Variants in NKAIN2 observed in about 807,000 individuals in gnomAD.
The protein encoded by NKAIN2 is sodium/potassium-transporting ATPase subunit beta-1-interacting protein 2.
In NKAIN2, 14 loss-of-function variants were observed where a neutral mutation model predicts 32.6. The ratio of observed to expected loss-of-function variants is 0.43; its 90% CI spans 0.28 to 0.67. NKAIN2 has a LOEUF of 0.67. NKAIN2 is among the 30% of genes least tolerant of loss of function. NKAIN2 has a pLI of 0.17. For synonymous variants in NKAIN2, 80 were observed against 87.2 expected (o/e 0.92, Z 0.46); for missense variants, 198 against 258.3 (o/e 0.77, Z 1.60).
intron 1 of NKAIN2, among the ~76,000 whole-genome samples, chr6:124,200,217 C>T (rs1790530909): frequency 6.6e-6 from 1 of 152,140 alleles, no homozygotes; most frequent in African/African-American, 2.4e-5. Context: ...TTGCCTAAGG[C>T]AGCCTATAGC....
intron 3 of NKAIN2, among the ~76,000 whole-genome samples, chr6:124,408,507 A>G (rs1056054168): frequency 6.6e-6 from 1 of 152,150 alleles, no homozygotes; most frequent in East Asian, 1.9e-4. Flanking sequence ...AGATAGTTGT[A>G]GATATGCGGC....
intron 3 of NKAIN2, among the ~76,000 whole-genome samples, chr6:124,387,377 CA>C (rs1772950544): frequency 6.6e-6 from 1 of 151,382 alleles, no homozygotes; most frequent in Non-Finnish European, 1.5e-5. Flanking sequence ...ACTGAATTCA[CA>C]AACTGAACTA....
chr6:124,332,774 C>T (rs925914619), intron 2 of NKAIN2, among the ~76,000 whole-genome samples: 1 of 152,188 alleles, frequency 6.6e-6, no homozygotes, highest in Non-Finnish European at 1.5e-5. Flanking sequence ...GTTGCTATCA[C>T]CACTGTTGGA....
chr6:123,987,106 A>C, intron 1 of NKAIN2, among the ~76,000 whole-genome samples: 1 of 152,202 alleles, frequency 6.6e-6, no homozygotes, highest in Admixed American at 6.5e-5. Context: ...TATTTATATA[A>C]GAAATGTGCA....
intron 1 of NKAIN2, among the ~76,000 whole-genome samples, chr6:124,029,181 T>C (rs1014260113): frequency 1.3e-5 from 2 of 151,886 alleles, no homozygotes; most frequent in Non-Finnish European, 2.9e-5. Context: ...ATTTCTACTA[T>C]TGTTTAACAA....
At chr6:124,469,075 C>G (rs1776872901) in intron 3 of NKAIN2, among the ~76,000 whole-genome samples, 1 of 152,186 alleles carries the variant, frequency 6.6e-6, no homozygotes, top group Non-Finnish European at 1.5e-5. Flanking sequence ...CAGAGAACAC[C>G]ATGTGAATGG....
At chr6:124,167,837 A>G (rs1582778448) in intron 1 of NKAIN2, among the ~76,000 whole-genome samples, 2 of 152,196 alleles carry the variant, frequency 1.3e-5, no homozygotes, top group East Asian at 1.9e-4. Flanking sequence ...ATTTGTGTAT[A>G]TTGACTTCAG....
At chr6:123,923,619 T>G (rs1012687007) in intron 1 of NKAIN2, among the ~76,000 whole-genome samples, 1 of 151,472 alleles carries the variant, frequency 6.6e-6, no homozygotes, top group Non-Finnish European at 1.5e-5. Flanking sequence ...CCATAAAAAA[T>G]GATGAGTTCA....
At chr6:124,651,275 A>G (rs1427265463) in intron 3 of NKAIN2, among the ~76,000 whole-genome samples, 1 of 152,102 alleles carries the variant, frequency 6.6e-6, no homozygotes, top group Non-Finnish European at 1.5e-5. Context: ...TGTCATGACT[A>G]CAGCTCTCCG....
chr6:124,596,722 C>T (rs916597326), intron 3 of NKAIN2, among the ~76,000 whole-genome samples: 3 of 147,264 alleles, frequency 2.0e-5, no homozygotes, highest in African/African-American at 7.5e-5. Flanking sequence ...AATGTATATA[C>T]AAATAAATAT....
At chr6:124,544,618 C>T (rs1391284538) in intron 3 of NKAIN2, among the ~76,000 whole-genome samples, 1 of 150,678 alleles carries the variant, frequency 6.6e-6, no homozygotes, top group African/African-American at 2.4e-5. Context: ...AAACTAGGGG[C>T]AAGGAATGTT....
intron 1 of NKAIN2, among the ~76,000 whole-genome samples, chr6:124,154,796 A>G (rs1241113693): frequency 6.6e-6 from 1 of 152,078 alleles, no homozygotes; most frequent in Non-Finnish European, 1.5e-5. Context: ...AAAACCTGAC[A>G]GTAATAATAT....
rs111596206 is a variant in NKAIN2, at chr6:124,271,226, A to AT, written c.55-11770dup. Among the ~76,000 whole-genome samples the AT allele has an allele frequency of 2.9e-3, 437 of 150,132 alleles. 2 individuals carry two copies. The highest frequency in any genetic ancestry group is 9.6e-3 in the African/African-American group (394 of 40,910). ...GTGAGCCAATTAAACCTCCTTTCTT[A>AT]TTTTTTTTTGAGACAGAGTCTTGCT... On this transcript the variant is annotated intron_variant, in intron 1 of 6. Coordinates refer to ENST00000368417, the MANE Select transcript of NKAIN2 (RefSeq NM_001040214.3).
chr6:124,579,966 T>C (rs557207481), intron 3 of NKAIN2, among the ~76,000 whole-genome samples: 1 of 152,322 alleles, frequency 6.6e-6, no homozygotes, highest in African/African-American at 2.4e-5. Flanking sequence ...ACTTTTATCC[T>C]AGAATAATAT....
At chr6:124,302,551 TTAAAC>T (rs1796331960) in intron 2 of NKAIN2, among the ~76,000 whole-genome samples, 1 of 152,206 alleles carries the variant, frequency 6.6e-6, no homozygotes, top group Admixed American at 6.5e-5. Context: ...GTCATTTTAT[TTAAAC>T]TAAGCTATCC....
rs562188649 is a variant in NKAIN2, at chr6:124,695,432, T to C, written c.474+37046T>C. Among the ~76,000 whole-genome samples the C allele has an allele frequency of 6.6e-5, 10 of 152,320 alleles. No individual in the cohort carries two copies. In the East Asian group the frequency reaches 7.7e-4, roughly 12 times the overall value. ...GAATCTCAGACAAATATTTTAAAGA[T>C]CTCATAACTCTCTTGCAAGAATTTT... is the stretch of plus-strand genomic sequence containing the variant. On this transcript the variant is annotated intron_variant, in intron 4 of 6. Coordinates refer to ENST00000368417, the MANE Select transcript of NKAIN2 (RefSeq NM_001040214.3).
intron 2 of NKAIN2, among the ~76,000 whole-genome samples, chr6:124,314,786 C>T (rs577835981): frequency 6.6e-6 from 1 of 152,260 alleles, no homozygotes; most frequent in East Asian, 1.9e-4. Flanking sequence ...GGGGTGGTGC[C>T]TCTGCCTAAA....
intron 1 of NKAIN2, among the ~76,000 whole-genome samples, chr6:123,959,526 AC>A (rs1418354446): frequency 6.6e-6 from 1 of 152,162 alleles, no homozygotes; most frequent in East Asian, 1.9e-4. Flanking sequence ...TGAACATGAT[AC>A]TTCTTCAGTT....
intron 1 of NKAIN2, among the ~76,000 whole-genome samples, chr6:124,223,106 G>T (rs1452770822): frequency 6.6e-6 from 1 of 151,138 alleles, no homozygotes; most frequent in African/African-American, 2.4e-5. Context: ...CCAGCTACTT[G>T]GGAGGCTGAG....
Sources: allele counts gnomAD v4.1 joint callset (sites outside exome capture counted in the v4.1 genomes callset), GRCh38; gene constraint gnomAD v4.1.1; transcripts MANE v1.5; gene names NCBI Gene and HGNC (gene_info 2026-07-23, HGNC 2026-07-21).